The following MARK1 variants were observed in gnomAD, a reference collection of about 807,000 sequenced individuals.
The protein encoded by MARK1 is microtubule affinity regulating kinase 1.
A neutral mutation model predicts 96.3 loss-of-function variants in MARK1; 40 were observed. The ratio of observed to expected loss-of-function variants is 0.42; its 90% CI spans 0.32 to 0.54. The LOEUF is 0.54. Among genes scored for constraint, MARK1 ranks in the 20% least tolerant of loss-of-function variants. The probability of loss-of-function intolerance (pLI) is 0.16; values close to 1 mark genes in which losing one functional copy is unlikely to be tolerated. For synonymous variants in MARK1, 317 were observed against 341.2 expected (o/e 0.93, Z 0.78); for missense variants, 719 against 984.6 (o/e 0.73, Z 3.61).
chr1:220,585,194 C>T (rs572031120), intron 3 of MARK1, among the ~76,000 whole-genome samples: 4 of 152,100 alleles, frequency 2.6e-5, no homozygotes, highest in Non-Finnish European at 4.4e-5. Flanking sequence ...GCCAGTTACC[C>T]ACTGTTTCAC....
chr1:220,644,690 T>C (rs1298948954), intron 13 of MARK1, among the ~76,000 whole-genome samples: 2 of 152,264 alleles, frequency 1.3e-5, no homozygotes, highest in South Asian at 2.1e-4. Flanking sequence ...AGTAAAACAC[T>C]CCTCAGCAAA....
At chr1:220,573,911 T>C (rs902964189) in intron 1 of MARK1, among the ~76,000 whole-genome samples, 3 of 152,086 alleles carry the variant, frequency 2.0e-5, no homozygotes, top group African/African-American at 7.2e-5. Context: ...TGTCTCTTTA[T>C]TATAGTTTTC....
chr1:220,583,674 A>AG (rs1384107105), intron 3 of MARK1, among the ~76,000 whole-genome samples: 1 of 150,702 alleles, frequency 6.6e-6, no homozygotes, highest in East Asian at 2.0e-4. Flanking sequence ...TTTGAGACAG[A>AG]GTCTTGCTCT....
intron 6 of MARK1, among the ~76,000 whole-genome samples, chr1:220,615,578 A>T (rs1455392057): frequency 6.6e-6 from 1 of 152,178 alleles, no homozygotes; most frequent in Non-Finnish European, 1.5e-5. Context: ...ATACTAATTC[A>T]TGTGTGCCAA....
intron 6 of MARK1, among the ~76,000 whole-genome samples, chr1:220,613,515 ACCTT>A (rs1169387302): frequency 6.6e-6 from 1 of 152,086 alleles, no homozygotes; most frequent in African/African-American, 2.4e-5. Flanking sequence ...TCTGTTGCAT[ACCTT>A]CAGTGGCTCA....
intron 13 of MARK1, among the ~76,000 whole-genome samples, chr1:220,644,609 C>T (rs1668481602): frequency 6.6e-6 from 1 of 151,806 alleles, no homozygotes; most frequent in Non-Finnish European, 1.5e-5. Flanking sequence ...ACTCTCCACC[C>T]CAGAACAGCA....
chr1:220,547,138 C>T (rs1322240355), intron 1 of MARK1, among the ~76,000 whole-genome samples: 1 of 152,138 alleles, frequency 6.6e-6, no homozygotes, highest in Non-Finnish European at 1.5e-5. Context: ...TGTAAACTGT[C>T]TTGGGTACTT....
rs115211032 is a variant in MARK1, at chr1:220,600,510, G to T, written c.424+647G>T. 3.6e-3 allele frequency among the ~76,000 whole-genome samples: 553 copies of T among 152,254 alleles called. 2 individuals are homozygous for T. The highest frequency in any genetic ancestry group is 0.013 in the African/African-American group (546 of 41,558). On this transcript the variant is annotated intron_variant, in intron 5 of 17. Coordinates refer to ENST00000366917, the MANE Select transcript of MARK1 (RefSeq NM_018650.5). ...TGATAGAAAATCATCTTCATCTCCT[G>T]CACTTTCCCTTAAACGAGAAATGTG...
chr1:220,566,030 C>T (rs927645680), intron 1 of MARK1, among the ~76,000 whole-genome samples: 7 of 152,168 alleles, frequency 4.6e-5, no homozygotes, highest in African/African-American at 1.7e-4. Flanking sequence ...CATTTACTAG[C>T]TGTGTGACAT....
intron 13 of MARK1, among the ~76,000 whole-genome samples, chr1:220,646,468 A>G (rs575600392): frequency 2.0e-5 from 3 of 152,354 alleles, no homozygotes; most frequent in Non-Finnish European, 4.4e-5. Context: ...TATTGTCAAA[A>G]TGACCATACT....
intron 3 of MARK1, among the ~76,000 whole-genome samples, chr1:220,589,480 A>G (rs879755054): frequency 6.6e-6 from 1 of 152,262 alleles, no homozygotes; most frequent in Non-Finnish European, 1.5e-5. Context: ...GAAAGACCCA[A>G]TTGAAAAGTA....
In MARK1 at chr1:220,635,897, T is replaced by C; in HGVS notation, c.1341T>C (p.Ser447=). The change falls in exon 13 of 18, where the codon AGT becomes AGC. Residue 447 remains serine, a synonymous_variant. Coordinates refer to ENST00000366917, the MANE Select transcript of MARK1 (RefSeq NM_018650.5). The part of the protein sequence containing the change: ...TKRPQANSVE[S]EQKEEWDKDV... ...GACCTCAGGCTAACAGTGTGGAAAG[T>C]GAACAGAAAGAGGAGTGGGACAAAG... 1 of 1,613,860 alleles carries C rather than the reference T, an allele frequency of 6.2e-7. No homozygotes were observed. The highest frequency in any genetic ancestry group is 8.5e-7 in the Non-Finnish European group (1 of 1,179,952).
intron 1 of MARK1, among the ~76,000 whole-genome samples, chr1:220,536,677 T>A (rs1264005549): frequency 1.3e-5 from 2 of 152,066 alleles, no homozygotes; most frequent in African/African-American, 4.8e-5. Flanking sequence ...TGCCTCAGCC[T>A]CCCAAGTAGC....
At chr1:220,563,024 A>T (rs1662779142) in intron 1 of MARK1, among the ~76,000 whole-genome samples, 1 of 152,208 alleles carries the variant, frequency 6.6e-6, no homozygotes, top group Non-Finnish European at 1.5e-5. Flanking sequence ...CTTGGCCAGT[A>T]GCAGGTGCTG....
chr1:220,635,787 A>T (rs950568255), intron 12 of MARK1, 46 bp from the exon 13 acceptor site: 2 of 1,421,958 alleles, frequency 1.4e-6, no homozygotes, highest in Non-Finnish European at 1.9e-6. Flanking sequence ...CAGAAAGTAG[A>T]TCAGTTGTTT....
At chr1:220,609,190 A>C (rs1254647468) in intron 6 of MARK1, among the ~76,000 whole-genome samples, 1 of 152,158 alleles carries the variant, frequency 6.6e-6, no homozygotes, top group Non-Finnish European at 1.5e-5. Flanking sequence ...GGGAGTCTTA[A>C]GTCTCTTTGT....
intron 1 of MARK1, among the ~76,000 whole-genome samples, chr1:220,576,206 T>A (rs932139282): frequency 6.6e-6 from 1 of 151,626 alleles, no homozygotes; most frequent in Non-Finnish European, 1.5e-5. Context: ...AAGAACCATT[T>A]ATGATTTCTC....
intron 1 of MARK1, among the ~76,000 whole-genome samples, chr1:220,536,835 C>T (rs1660727803): frequency 6.6e-6 from 1 of 152,200 alleles, no homozygotes; most frequent in South Asian, 2.1e-4. Context: ...CCTGCCTCAG[C>T]CTGCCAAAGT....
intron 14 of MARK1, 76 bp from the exon 15 acceptor site, chr1:220,651,910 A>G (rs1668898455): frequency 6.6e-6 from 8 of 1,213,160 alleles, no homozygotes; most frequent in South Asian, 5.8e-5. Context: ...TTTTTAAAAT[A>G]TAGTTCTTAA....
Sources: allele counts gnomAD v4.1 joint callset (sites outside exome capture counted in the v4.1 genomes callset), GRCh38; gene constraint gnomAD v4.1.1; transcripts MANE v1.5; gene names NCBI Gene and HGNC (gene_info 2026-07-23, HGNC 2026-07-21).